The following FRY variants were observed in gnomAD, a reference collection of about 807,000 sequenced individuals.
The protein encoded by FRY is protein furry homolog.
A neutral mutation model predicts 348.4 loss-of-function variants in FRY; 128 were observed. The observed-to-expected ratio is 0.37, with a 90% CI of 0.32 to 0.43. The LOEUF is 0.43. FRY is among the 20% of genes least tolerant of loss of function. The pLI is 1.00. For synonymous variants in FRY, 1,370 were observed against 1,374.7 expected, an observed-to-expected ratio of 1.00 and a Z score of 0.08; for missense variants, 2,736 against 3,695.2, an observed-to-expected ratio of 0.74 and a Z score of 6.73.
intron 50 of FRY, among the ~76,000 whole-genome samples, chr13:32,253,215 C>G (rs1407804764): frequency 1.3e-5 from 2 of 152,208 alleles, no homozygotes; most frequent in African/African-American, 2.4e-5. Flanking sequence ...CCTCAGGGCT[C>G]TTTATCTCAT....
At chr13:32,043,976 C>T (rs1398402722) in intron 1 of FRY, among the ~76,000 whole-genome samples, 1 of 150,052 alleles carries the variant, frequency 6.7e-6, no homozygotes, top group African/African-American at 2.5e-5. Context: ...GGGAGAAGTG[C>T]TTGAGGCCAG....
At chr13:32,243,968 G>T in intron 46 of FRY, 74 bp from the exon 47 acceptor site, 1 of 1,491,388 alleles carries the variant, frequency 6.7e-7, no homozygotes. Context: ...AATCCTAAAT[G>T]TGTTGGAAAA....
intron 31 of FRY, among the ~76,000 whole-genome samples, chr13:32,204,461 AG>A (rs1355190750): frequency 2.0e-5 from 3 of 152,372 alleles, no homozygotes; most frequent in African/African-American, 4.8e-5. Context: ...GCCAAGGGGC[AG>A]GGGAAAAAAA....
chr13:32,295,102 C>T, intron 60 of FRY, 100 bp from the exon 61 acceptor site: 1 of 1,068,262 alleles, frequency 9.4e-7, no homozygotes, highest in Non-Finnish European at 1.4e-6. Context: ...CTCAATAAAG[C>T]CTTTTTAAAA....
intron 35 of FRY, among the ~76,000 whole-genome samples, chr13:32,215,757 A>G (rs1282633232): frequency 7.2e-5 from 11 of 152,102 alleles, no homozygotes; most frequent in African/African-American, 2.7e-4. Context: ...TCTTGTAGAG[A>G]CGGAGTTTCA....
chr13:32,070,766 T>A (rs981269017), intron 1 of FRY, among the ~76,000 whole-genome samples: 11 of 152,330 alleles, frequency 7.2e-5, no homozygotes, highest in African/African-American at 2.6e-4. Context: ...TTTTGGTGTT[T>A]TAGTCATGAA....
At chr13:32,209,998 T>A (rs1884594669) in intron 33 of FRY, among the ~76,000 whole-genome samples, 1 of 152,248 alleles carries the variant, frequency 6.6e-6, no homozygotes, top group Non-Finnish European at 1.5e-5. Flanking sequence ...GATATTTTTC[T>A]AGCAGTTACT....
At chr13:32,082,872 T>G (rs1056498631) in intron 2 of FRY, among the ~76,000 whole-genome samples, 6 of 152,172 alleles carry the variant, frequency 3.9e-5, no homozygotes, top group Non-Finnish European at 5.9e-5. Context: ...TATAGTTTTT[T>G]TCTTTGTCTT....
At chr13:32,156,335 C>T (rs1423469163) in intron 15 of FRY, among the ~76,000 whole-genome samples, 3 of 152,188 alleles carry the variant, frequency 2.0e-5, no homozygotes, top group Non-Finnish European at 2.9e-5. Context: ...AGGTTGGGCG[C>T]AGTGGCTCAC....
intron 1 of FRY, among the ~76,000 whole-genome samples, chr13:32,037,463 G>A (rs948892286): frequency 6.6e-6 from 1 of 152,094 alleles, no homozygotes; most frequent in African/African-American, 2.4e-5. Flanking sequence ...TATAATTCAG[G>A]TATCTCATTT....
chr13:32,145,621 T>C (rs1384481049), intron 11 of FRY, among the ~76,000 whole-genome samples: 1 of 144,470 alleles, frequency 6.9e-6, no homozygotes, highest in Non-Finnish European at 1.5e-5. Context: ...CTCGGCTCAC[T>C]GCAAGCTCCG....
intron 56 of FRY, 101 bp from the exon 57 acceptor site, chr13:32,276,363 C>T (rs1888537729): frequency 1.3e-6 from 1 of 758,968 alleles, no homozygotes; most frequent in Non-Finnish European, 2.4e-6. Flanking sequence ...GACACTTGTA[C>T]CCCTTAACAG....
chr13:32,039,473 C>G (rs1872668192), intron 1 of FRY, among the ~76,000 whole-genome samples: 1 of 132,316 alleles, frequency 7.6e-6, no homozygotes, highest in Non-Finnish European at 1.6e-5. Flanking sequence ...CTTTCTTTCT[C>G]TCTCTGTCTC....
chr13:32,221,579 C>A (rs1885317453), intron 36 of FRY, among the ~76,000 whole-genome samples: 1 of 152,262 alleles, frequency 6.6e-6, no homozygotes, highest in Admixed American at 6.5e-5. Flanking sequence ...ATGTCACGAT[C>A]TTGGCTCACT....
At chr13:32,213,490 C>T (rs1030813991) in intron 35 of FRY, among the ~76,000 whole-genome samples, 1 of 152,186 alleles carries the variant, frequency 6.6e-6, no homozygotes, top group Non-Finnish European at 1.5e-5. Context: ...CTAATAAAGC[C>T]TTTTATTTCT....
At position 32,157,262 on chromosome 13, in the gene FRY, A is replaced by T; in HGVS notation, c.1652-11A>T. Reference sequence around the variant, plus strand: ...TCAGTTGAAGGTATAACTATAATGCATGTTTTTCAGGCATGTCCTTATATT... The same window carrying T: ...TCAGTTGAAGGTATAACTATAATGCTTGTTTTTCAGGCATGTCCTTATATT... On this transcript the variant is annotated splice_polypyrimidine_tract_variant and intron_variant, in intron 15 of 60. Transcript: ENST00000542859. 6.2e-7 allele frequency: 1 copy of T among 1,608,512 alleles called. No individual in the cohort carries two copies. The highest frequency in any genetic ancestry group is 1.1e-5 in the South Asian group (1 of 90,970).
At chr13:32,158,847 G>T (rs1224770882) in intron 16 of FRY, among the ~76,000 whole-genome samples, 1 of 151,046 alleles carries the variant, frequency 6.6e-6, no homozygotes, top group Non-Finnish European at 1.5e-5. Context: ...GAACCCGGGA[G>T]GCAGAGATTG....
chr13:32,131,820 G>A lies in FRY; in HGVS notation c.865G>A (p.Ala289Thr). Residue 289 changes from alanine to threonine, a missense_variant, in exon 8 of 61, where the codon GCC becomes ACC. Physicochemically the swap from Ala to Thr is moderately conservative, Grantham distance 58. Around this residue, in one of 9 missense-constraint regions of FRY, gnomAD observed 309 missense variants for 418.1 expected, o/e 0.74. Transcript: ENST00000542859. Reference protein sequence around the residue: ...IKMYPVEDFEASLQFMQECAH... With the variant: ...IKMYPVEDFETSLQFMQECAH... Reference sequence around the variant, plus strand: ...GATGTATCCAGTGGAGGATTTTGAGGCCTCTCTTCAGTTTATGCAGGTAAT... The same window carrying A: ...GATGTATCCAGTGGAGGATTTTGAGACCTCTCTTCAGTTTATGCAGGTAAT... The A allele has an allele frequency of 1.9e-6, 3 of 1,613,724 alleles. No homozygotes were observed. The highest frequency in any genetic ancestry group is 2.5e-6 in the Non-Finnish European group (3 of 1,179,638).
chr13:32,032,490 A>G (rs1450752801), intron 1 of FRY, among the ~76,000 whole-genome samples: 2 of 152,208 alleles, frequency 1.3e-5, no homozygotes, highest in South Asian at 2.1e-4. Flanking sequence ...GATGTTTGCT[A>G]TAGTCCAAAT....
Sources: allele counts gnomAD v4.1 joint callset (sites outside exome capture counted in the v4.1 genomes callset), GRCh38; gene constraint gnomAD v4.1.1; regional missense constraint gnomAD v4.1.1; transcripts MANE v1.5; gene names NCBI Gene and HGNC (gene_info 2026-07-23, HGNC 2026-07-21).